PIGN: variants seen among roughly 807,000 people sequenced by gnomAD.
PIGN encodes GPI ethanolamine phosphate transferase 1.
PIGN carries 117 observed loss-of-function variants against 125.4 expected under a neutral mutation model. The ratio of observed to expected loss-of-function variants is 0.93; its 90% confidence interval spans 0.80 to 1.09. PIGN has a LOEUF of 1.09. Among genes scored for constraint, PIGN ranks in the 50% least tolerant of loss-of-function variants. PIGN has a pLI of 0.00. For missense variants in PIGN, 1,075 were observed against 1,094.9 expected (o/e 0.98, Z 0.26); for synonymous variants, 392 against 377.8 (o/e 1.04, Z -0.44).
intron 29 of PIGN, among the ~76,000 whole-genome samples, chr18:62,073,618 T>C (rs1261390028): frequency 6.6e-6 from 1 of 152,238 alleles, no homozygotes; most frequent in African/African-American, 2.4e-5. Context: ...AACTGAAAGC[T>C]GATTTGCTCT....
chr18:62,091,309 C>T (rs2033947420), intron 23 of PIGN, among the ~76,000 whole-genome samples: 2 of 152,162 alleles, frequency 1.3e-5, no homozygotes, highest in South Asian at 4.1e-4. Context: ...CACGCCACTG[C>T]ACTCCCACCC....
chr18:62,103,194 A>AT (rs1417717570), intron 20 of PIGN, among the ~76,000 whole-genome samples: 3 of 152,166 alleles, frequency 2.0e-5, no homozygotes, highest in Non-Finnish European at 4.4e-5. Context: ...ATTTAAAAAA[A>AT]TTTTAGGCAT....
intron 7 of PIGN, among the ~76,000 whole-genome samples, chr18:62,150,992 G>A (rs1018242582): frequency 3.3e-5 from 5 of 152,136 alleles, no homozygotes; most frequent in Non-Finnish European, 4.4e-5. Context: ...GAGCCACAGC[G>A]CCTGGCCGGA....
At chr18:62,024,771 T>G (rs141737227) in intron 23 of PIGN, among the ~76,000 whole-genome samples, 1 of 152,336 alleles carries the variant, frequency 6.6e-6, no homozygotes, top group East Asian at 1.9e-4. Context: ...GAGGATCACT[T>G]GAACCCAGGA....
intron 30 of PIGN, among the ~76,000 whole-genome samples, chr18:62,067,748 A>T (rs75559398): frequency 0.027 from 4,152 of 152,258 alleles, 66 homozygotes; most frequent in Middle Eastern, 0.085. Flanking sequence ...GGGTTGTTTC[A>T]AGATTTTGGT....
At chr18:62,083,767 T>C (rs1325350207) in intron 27 of PIGN, among the ~76,000 whole-genome samples, 2 of 152,182 alleles carry the variant, frequency 1.3e-5, no homozygotes, top group Non-Finnish European at 2.9e-5. Flanking sequence ...GGGAACAGGA[T>C]GTGAGAAACT....
chr18:62,019,104 G>A (rs1265617540), intron 23 of PIGN, among the ~76,000 whole-genome samples: 1 of 152,182 alleles, frequency 6.6e-6, no homozygotes, highest in Non-Finnish European at 1.5e-5. Context: ...AGACACTCAG[G>A]AGGCTGAGAT....
intron 28 of PIGN, among the ~76,000 whole-genome samples, chr18:62,079,029 C>G (rs1168747716): frequency 6.6e-6 from 1 of 152,156 alleles, no homozygotes; most frequent in Non-Finnish European, 1.5e-5. Flanking sequence ...CCCTGCCAAC[C>G]TGTTCAACTT....
Position 62,146,036 on chromosome 18 carries a change from G to C in PIGN, c.806-11C>G. 8.2e-7 allele frequency: 1 copy of C among 1,222,846 alleles called. No homozygotes were observed. The highest frequency in any genetic ancestry group is 1.2e-6 in the Non-Finnish European group (1 of 854,264). The allele number at this position is 1,222,846 out of a possible 1,614,324, so 75.7% of individuals were successfully genotyped here. On this transcript the variant is annotated splice_polypyrimidine_tract_variant and intron_variant, in intron 9 of 30. Coordinates refer to ENST00000640252, the MANE Select transcript of PIGN (RefSeq NM_176787.5). ...CAGCCCCATGGGAACCTACAAATAA[G>C]ATATAAAGAATAATAAGACAAATAT... is the stretch of plus-strand genomic sequence containing the variant.
At chr18:62,178,600 T>TAA (rs36043989) in intron 1 of PIGN, among the ~76,000 whole-genome samples, 1 of 139,644 alleles carries the variant, frequency 7.2e-6, no homozygotes, top group African/African-American at 2.7e-5. Context: ...AAGACCCACT[T>TAA]AAAAAAAAAA....
intron 23 of PIGN, among the ~76,000 whole-genome samples, chr18:62,028,984 G>A (rs1042387249): frequency 2.0e-5 from 3 of 152,336 alleles, no homozygotes; most frequent in Admixed American, 6.5e-5. Context: ...GGTCCCCAGA[G>A]TCAAAGGCCA....
chr18:62,117,869 C>T (rs139140527), intron 14 of PIGN, among the ~76,000 whole-genome samples: 5 of 152,140 alleles, frequency 3.3e-5, no homozygotes, highest in Admixed American at 1.3e-4. Context: ...TCTCCAGTTC[C>T]ACCCATGTTG....
In PIGN at chr18:62,157,765, G is replaced by T; in HGVS notation, c.265C>A (p.Arg89Ser). The T allele has an allele frequency of 1.2e-6, 2 of 1,612,088 alleles. No homozygotes were observed. Among genetic ancestry groups the T allele is most frequent in the East Asian group, 2.2e-5 (1 of 44,840 alleles). ...CCTGGCCGAGATTCTGTTGGCACAC[G>T]TGTATGAGATATGCCCCAGCTGCCT... The part of the protein sequence containing the change: ...HEGSWGISHT[R>S]VPTESRPGHV... Residue 89 changes from arginine to serine, a missense_variant, in exon 5 of 31, where the codon CGT (arginine) becomes AGT (serine). Physicochemically the swap from Arg to Ser is moderately radical, Grantham distance 110. Around this residue, in one of 3 missense-constraint regions of PIGN, gnomAD observed 152 missense variants for 162.9 expected, o/e 0.93. Transcript: ENST00000640252.
At chr18:62,034,783 G>C (rs2030236078) in intron 23 of PIGN, among the ~76,000 whole-genome samples, 1 of 152,248 alleles carries the variant, frequency 6.6e-6, no homozygotes. Flanking sequence ...GTAAAGGAAG[G>C]GGACTTGCCT....
chr18:62,177,949 G>C (rs1055768200), intron 1 of PIGN, among the ~76,000 whole-genome samples: 2 of 152,044 alleles, frequency 1.3e-5, no homozygotes, highest in African/African-American at 4.8e-5. Flanking sequence ...CTTGTCTAGT[G>C]CTCACAGATC....
At chr18:62,110,063 T>C (rs1435732819) in intron 16 of PIGN, 90 bp from the exon 17 acceptor site, 1 of 1,232,434 alleles carries the variant, frequency 8.1e-7, no homozygotes, top group African/African-American at 1.5e-5. Context: ...AGAAAACCTA[T>C]TACTTTCTTT....
At chr18:62,064,445 T>C (rs1437056419) in intron 30 of PIGN, among the ~76,000 whole-genome samples, 1 of 152,228 alleles carries the variant, frequency 6.6e-6, no homozygotes, top group Admixed American at 6.5e-5. Flanking sequence ...TACTTGACAA[T>C]GTCTGGGAAT....
chr18:62,019,847 C>T (rs535143381), intron 23 of PIGN, among the ~76,000 whole-genome samples: 26 of 152,382 alleles, frequency 1.7e-4, no homozygotes, highest in African/African-American at 5.5e-4. Context: ...ACTGTGGTCC[C>T]TGACAGTCCC....
chr18:62,090,532 A>G lies in PIGN; in HGVS notation c.2227T>C (p.Trp743Arg). Residue 743 changes from tryptophan to arginine, a missense_variant, in exon 24 of 31, where the codon TGG becomes CGG. Transcript: ENST00000640252. ...PLVLSCLMFV[W>R]INIEQETLQQ... Reference sequence around the variant, plus strand: ...AGAGTTTCTTGTTCTATGTTTATCCAGACAAACATCAAACAAGACAACACT... The same window carrying G: ...AGAGTTTCTTGTTCTATGTTTATCCGGACAAACATCAAACAAGACAACACT... The G allele has an allele frequency of 6.2e-7, 1 of 1,611,512 alleles. No homozygotes were observed. The highest frequency in any genetic ancestry group is 8.5e-7 in the Non-Finnish European group (1 of 1,178,420).
Sources: gnomAD v4.1 joint callset for allele counts (sites outside exome capture counted in the v4.1 genomes callset) on GRCh38, gnomAD v4.1.1 for gene constraint, gnomAD v4.1.1 regional missense constraint, MANE v1.5 for transcripts, NCBI Gene and HGNC (gene_info 2026-07-23, HGNC 2026-07-21) for gene names.